ANKS1B: variants seen among roughly 807,000 people sequenced by gnomAD.
ANKS1B encodes the protein ankyrin repeat and sterile alpha motif domain-containing protein 1B.
In ANKS1B, 36 loss-of-function variants were observed where a neutral mutation model predicts 148.3. That is an observed-to-expected ratio of 0.24 (90% CI 0.19 to 0.32). The LOEUF (loss-of-function observed/expected upper bound fraction) is 0.32, where lower values mean the gene tolerates loss of function less well. ANKS1B is among the 10% of genes least tolerant of loss of function. ANKS1B has a pLI of 1.00. For synonymous variants in ANKS1B, 542 were observed against 560.8 expected (o/e 0.97, Z 0.47); for missense variants, 1,157 against 1,542.6 (o/e 0.75, Z 4.19).
At chr12:99,803,289 A>C (rs2067199688) in intron 4 of ANKS1B, among the ~76,000 whole-genome samples, 1 of 141,082 alleles carries the variant, frequency 7.1e-6, no homozygotes, top group Non-Finnish European at 1.6e-5. Flanking sequence ...CCCCCCAAAA[A>C]AAAAGGCAAT....
Position 98,745,545 on chromosome 12 carries a change from GA to G in ANKS1B, c.*193del. 1.5e-6 allele frequency: 2 copies of G among 1,359,132 alleles called. No individual in the cohort carries two copies. 84.2% of individuals were successfully genotyped at this position (1,359,132 alleles called of 1,614,324 possible). On this transcript the variant is annotated 3_prime_UTR_variant, in exon 27 of 27. Coordinates refer to ENST00000683438, the MANE Select transcript of ANKS1B (RefSeq NM_001352186.2). The stretch of plus-strand genomic sequence containing the variant: ...TCACGCCTCTCAGGGGTTGCGACTG[GA>G]AAGTCTTGCGTTTTCCATCACTGGT...
chr12:99,933,095 G>A (rs2094666479), intron 1 of ANKS1B, among the ~76,000 whole-genome samples: 1 of 152,150 alleles, frequency 6.6e-6, no homozygotes, highest in African/African-American at 2.4e-5. Flanking sequence ...TTGTTTCTGG[G>A]TTCTCTATTC....
At chr12:99,741,106 G>A (rs1229445026) in intron 8 of ANKS1B, among the ~76,000 whole-genome samples, 1 of 151,866 alleles carries the variant, frequency 6.6e-6, no homozygotes, top group Non-Finnish European at 1.5e-5. Context: ...TACTCGGGAG[G>A]CTGAGGCAGG....
At chr12:99,875,050 G>A (rs1333366487) in intron 1 of ANKS1B, among the ~76,000 whole-genome samples, 2 of 152,098 alleles carry the variant, frequency 1.3e-5, no homozygotes, top group Non-Finnish European at 2.9e-5. Context: ...GGTAGACAGA[G>A]GGGGAGAGAG....
intron 9 of ANKS1B, among the ~76,000 whole-genome samples, chr12:99,554,392 G>C (rs967527298): frequency 1.8e-4 from 27 of 152,142 alleles, no homozygotes; most frequent in Non-Finnish European, 3.1e-4. Context: ...TCCCACGTTA[G>C]TATCTAAAGA....
chr12:99,216,171 G>A (rs900389471), intron 14 of ANKS1B, among the ~76,000 whole-genome samples: 15 of 152,164 alleles, frequency 9.9e-5, no homozygotes, highest in African/African-American at 3.4e-4. Flanking sequence ...CACTTCGTTT[G>A]CCTTCTGTCA....
chr12:99,183,324 A>C (rs566516917), intron 14 of ANKS1B, among the ~76,000 whole-genome samples: 236 of 152,314 alleles, frequency 1.5e-3, no homozygotes, highest in Middle Eastern at 3.4e-3. Context: ...AAATTCCATC[A>C]GATAACAAAA....
At chr12:99,547,132 G>A (rs1956356165) in intron 9 of ANKS1B, among the ~76,000 whole-genome samples, 1 of 152,056 alleles carries the variant, frequency 6.6e-6, no homozygotes, top group African/African-American at 2.4e-5. Flanking sequence ...TTTGGAGTCA[G>A]ACCAGGGTTT....
intron 14 of ANKS1B, among the ~76,000 whole-genome samples, chr12:99,165,493 C>G (rs1380930309): frequency 6.6e-6 from 1 of 151,822 alleles, no homozygotes; most frequent in African/African-American, 2.4e-5. Context: ...TTATGAATAA[C>G]TGTTAGTATC....
chr12:98,923,700 T>TA (rs940338743), intron 17 of ANKS1B, among the ~76,000 whole-genome samples: 35 of 152,160 alleles, frequency 2.3e-4, no homozygotes, highest in African/African-American at 8.4e-4. Context: ...AGTCAATGTT[T>TA]AAAAAAAATA....
chr12:99,955,753 C>A (rs2095313219), intron 1 of ANKS1B, among the ~76,000 whole-genome samples: 1 of 151,832 alleles, frequency 6.6e-6, no homozygotes, highest in South Asian at 2.1e-4. Flanking sequence ...ATTCAGTTAC[C>A]AAAATATTTA....
chr12:99,806,597 C>T lies in ANKS1B; in HGVS notation c.476G>A (p.Ser159Asn), dbSNP rs760624025. ...EELTDPTIRN[S>N]KLETPLDLAA... The stretch of plus-strand genomic sequence containing the variant: ...CAAGTCCAAAGGTGTTTCCAGCTTG[C>T]TATTTCTAATTGTCGGGTCAGTGAG... The change falls in exon 4 of 27, where the codon AGC becomes AAC. Residue 159 changes from serine to asparagine, a missense_variant. By Grantham distance (46) the Ser-to-Asn change is conservative. Transcript: ENST00000683438. 2.5e-6 allele frequency: 4 copies of T among 1,613,980 alleles called. No homozygotes were observed. The highest frequency in any genetic ancestry group is 3.4e-6 in the Non-Finnish European group (4 of 1,179,876).
intron 8 of ANKS1B, among the ~76,000 whole-genome samples, chr12:99,680,456 C>G (rs927422408): frequency 2.6e-5 from 4 of 151,578 alleles, no homozygotes; most frequent in Non-Finnish European, 5.9e-5. Flanking sequence ...GAAGAAGAAG[C>G]AGCAGCAGGA....
At chr12:98,994,685 A>G (rs2153320468) in intron 17 of ANKS1B, among the ~76,000 whole-genome samples, 1 of 152,224 alleles carries the variant, frequency 6.6e-6, no homozygotes, top group Admixed American at 6.5e-5. Flanking sequence ...GGCAGGGCTG[A>G]CTGCTTCTAA....
At chr12:99,908,840 C>G (rs886246655) in intron 1 of ANKS1B, among the ~76,000 whole-genome samples, 1 of 152,150 alleles carries the variant, frequency 6.6e-6, no homozygotes, top group Non-Finnish European at 1.5e-5. Flanking sequence ...ATCTCAGATA[C>G]CTTTTTTCCC....
At chr12:99,781,116 T>C (rs751258130) in intron 5 of ANKS1B, among the ~76,000 whole-genome samples, 2 of 150,748 alleles carry the variant, frequency 1.3e-5, no homozygotes, top group African/African-American at 2.4e-5. Flanking sequence ...TGTTAGTTCA[T>C]TGTAAGATTA....
rs147624512 is a variant in ANKS1B, at chr12:99,953,067, A to T, written c.134+31037T>A. Among the ~76,000 whole-genome samples the T allele has an allele frequency of 5.4e-4, 82 of 152,312 alleles. 1 individual carries two copies. The East Asian group carries it at 0.015, about 27-fold the overall frequency. ...CTCAAGATAAAGGTCAGAATTAGAG[A>T]TGTAAATTGGAGAACTGCTTATACA... On this transcript the variant is annotated intron_variant, in intron 1 of 26. Transcript: ENST00000683438.
chr12:99,694,899 A>G (rs1182694749), intron 8 of ANKS1B, among the ~76,000 whole-genome samples: 1 of 152,182 alleles, frequency 6.6e-6, no homozygotes, highest in Admixed American at 6.6e-5. Context: ...CAAGGCAAGT[A>G]CAGTGGAACA....
chr12:98,836,429 G>A (rs1009925486), intron 17 of ANKS1B, among the ~76,000 whole-genome samples: 1 of 152,180 alleles, frequency 6.6e-6, no homozygotes, highest in African/African-American at 2.4e-5. Context: ...TGGAGTGGTA[G>A]AGAGGGTGAC....
Sources: gnomAD v4.1 joint callset for allele counts (sites outside exome capture counted in the v4.1 genomes callset) on GRCh38, gnomAD v4.1.1 for gene constraint, MANE v1.5 for transcripts, NCBI Gene and HGNC (gene_info 2026-07-23, HGNC 2026-07-21) for gene names.